The following HPSE2 variants were observed in gnomAD, a reference collection of about 807,000 sequenced individuals.
The protein encoded by HPSE2 is inactive heparanase-2.
Under a neutral mutation model 60.5 loss-of-function variants are expected in HPSE2, and 38 were observed. The ratio of observed to expected loss-of-function variants is 0.63; its 90% CI spans 0.48 to 0.82. The LOEUF (loss-of-function observed/expected upper bound fraction) is 0.82. Among genes scored for constraint, HPSE2 ranks in the 40% least tolerant of loss-of-function variants. The probability of loss-of-function intolerance (pLI) is 0.00; values close to 1 mark genes in which losing one functional copy is unlikely to be tolerated. For missense variants in HPSE2, 713 were observed against 740.4 expected, an observed-to-expected ratio of 0.96 and a Z score of 0.43; for synonymous variants, 295 against 293.2, an observed-to-expected ratio of 1.01 and a Z score of -0.06.
At chr10:98,915,867 C>T (rs1954107142) in intron 3 of HPSE2, among the ~76,000 whole-genome samples, 2 of 152,102 alleles carry the variant, frequency 1.3e-5, no homozygotes, top group Admixed American at 6.6e-5. Flanking sequence ...CTGGGCTTAC[C>T]AATGGGGAGG....
intron 9 of HPSE2, among the ~76,000 whole-genome samples, chr10:98,546,389 C>T (rs2133840056): frequency 6.8e-6 from 1 of 146,038 alleles, no homozygotes; most frequent in South Asian, 2.3e-4. Flanking sequence ...CATCATGCTA[C>T]CTGACTTCAA....
At chr10:98,586,756 T>TC (rs1169372576) in intron 9 of HPSE2, among the ~76,000 whole-genome samples, 15 of 152,298 alleles carry the variant, frequency 9.8e-5, no homozygotes, top group South Asian at 4.1e-4. Flanking sequence ...ACGGTGGGAT[T>TC]CAATGTTATA....
intron 6 of HPSE2, among the ~76,000 whole-genome samples, chr10:98,656,087 T>G (rs1947054663): frequency 6.6e-6 from 1 of 152,002 alleles, no homozygotes; most frequent in Non-Finnish European, 1.5e-5. Context: ...TTTGAGTTTT[T>G]TTTTTTTTTT....
In HPSE2 at chr10:98,938,664, G is replaced by A. The variant is rs1014034139; in HGVS notation, c.611-194608C>T. ...CAACCAAGTTGGAAAACCCTCTGCA[G>A]GATATTGTCCAGGAGAACTTCCCCA... On this transcript the variant is annotated intron_variant, in intron 3 of 11. Transcript: ENST00000370552. Among the ~76,000 whole-genome samples the A allele has an allele frequency of 7.6e-5, 11 of 144,108 alleles. 3 individuals are homozygous for A. The highest frequency in any genetic ancestry group is 3.1e-4 in the African/African-American group (11 of 35,506). The allele number at this position is 144,108 out of a possible 152,430, so 94.5% of individuals were successfully genotyped here. A position where few individuals can be genotyped will look rare whatever the true frequency, so the allele number is the denominator to read the frequency against.
At chr10:99,091,593 C>CA (rs1384607745) in intron 3 of HPSE2, among the ~76,000 whole-genome samples, 3 of 151,896 alleles carry the variant, frequency 2.0e-5, no homozygotes, top group South Asian at 2.1e-4. Flanking sequence ...AAAACAACAA[C>CA]AAAAAAAATG....
chr10:98,724,082 G>C (rs1356507898), intron 4 of HPSE2, among the ~76,000 whole-genome samples: 1 of 151,986 alleles, frequency 6.6e-6, no homozygotes, highest in Non-Finnish European at 1.5e-5. Flanking sequence ...GATCTTTCCT[G>C]CTTTCTCTTG....
At chr10:98,832,472 A>G (rs1951703824) in intron 3 of HPSE2, among the ~76,000 whole-genome samples, 1 of 152,236 alleles carries the variant, frequency 6.6e-6, no homozygotes, top group South Asian at 2.1e-4. Context: ...AAAGCTGACA[A>G]ACAGCTTGAA....
Position 99,064,559 on chromosome 10 carries a change from T to C in HPSE2, c.610+79679A>G, listed in dbSNP as rs1053438725. 3.3e-5 allele frequency among the ~76,000 whole-genome samples: 5 copies of C among 151,710 alleles called. No individual in the cohort carries two copies. The South Asian group carries it at 1.0e-3, about 32-fold the overall frequency. On this transcript the variant is annotated intron_variant, in intron 3 of 11. Transcript: ENST00000370552. ...CCACCATGACCTTACTATAGTTATATGCAATCGCTGTCCCATTCTCAATTA... is the reference window on the plus strand; with the variant it reads ...CCACCATGACCTTACTATAGTTATACGCAATCGCTGTCCCATTCTCAATTA...
At chr10:98,853,246 GC>G (rs1333617693) in intron 3 of HPSE2, among the ~76,000 whole-genome samples, 1 of 152,098 alleles carries the variant, frequency 6.6e-6, no homozygotes, top group Non-Finnish European at 1.5e-5. Flanking sequence ...TTTGTGAGGG[GC>G]TTTAAAAGAA....
chr10:99,237,369 C>T (rs941635415), upstream of HPSE2, among the ~76,000 whole-genome samples: 1 of 152,100 alleles, frequency 6.6e-6, no homozygotes, highest in Non-Finnish European at 1.5e-5. Flanking sequence ...AGTCTTAAAG[C>T]CCAGCAAACG....
Position 98,476,104 on chromosome 10 carries a change from A to G in HPSE2, c.1613+6532T>C, listed in dbSNP as rs1248205309. 2.0e-5 allele frequency among the ~76,000 whole-genome samples: 3 copies of G among 151,860 alleles called. No homozygotes were observed. The East Asian group carries it at 5.8e-4, about 29-fold the overall frequency. ...TCCAACAATGATAGACTGGATTAAG[A>G]AAATGTGGCACATATACACCATGGA... On this transcript the variant is annotated intron_variant, in intron 11 of 11. Transcript: ENST00000370552.
At chr10:99,092,384 T>A (rs1203160915) in intron 3 of HPSE2, among the ~76,000 whole-genome samples, 1 of 152,212 alleles carries the variant, frequency 6.6e-6, no homozygotes, top group Non-Finnish European at 1.5e-5. Flanking sequence ...GTGACTCAAC[T>A]AATCTATTAC....
chr10:98,779,616 C>T (rs1478040726), intron 3 of HPSE2, among the ~76,000 whole-genome samples: 2 of 152,114 alleles, frequency 1.3e-5, no homozygotes, highest in East Asian at 3.9e-4. Flanking sequence ...TATTGTTGGT[C>T]ATAAATTTTT....
At chr10:98,561,150 C>G (rs1057337285) in intron 9 of HPSE2, among the ~76,000 whole-genome samples, 1 of 141,264 alleles carries the variant, frequency 7.1e-6, no homozygotes, top group African/African-American at 2.5e-5. Context: ...GAAAGTGATA[C>G]TGGTTTTTTT....
At chr10:98,511,040 C>T (rs188287671) in intron 9 of HPSE2, among the ~76,000 whole-genome samples, 77 of 152,132 alleles carry the variant, frequency 5.1e-4, no homozygotes, top group Non-Finnish European at 6.9e-4. Flanking sequence ...TCAGTTTCCT[C>T]ATCAGGATTT....
At chr10:98,969,338 T>C (rs1467645180) in intron 3 of HPSE2, among the ~76,000 whole-genome samples, 1 of 152,180 alleles carries the variant, frequency 6.6e-6, no homozygotes, top group Non-Finnish European at 1.5e-5. Flanking sequence ...TCTTTCCTTT[T>C]TCTACCTGCC....
At chr10:98,568,591 C>T (rs962338137) in intron 9 of HPSE2, among the ~76,000 whole-genome samples, 2 of 152,206 alleles carry the variant, frequency 1.3e-5, no homozygotes, top group African/African-American at 4.8e-5. Context: ...AGAAGTGTGG[C>T]CTTGTTATCT....
intron 3 of HPSE2, among the ~76,000 whole-genome samples, chr10:99,022,899 A>C (rs1240418790): frequency 6.6e-6 from 1 of 152,184 alleles, no homozygotes; most frequent in Non-Finnish European, 1.5e-5. Context: ...TGCTGGCTTC[A>C]GGTAAGATGT....
intron 3 of HPSE2, among the ~76,000 whole-genome samples, chr10:99,005,446 T>C (rs567053219): frequency 6.6e-6 from 1 of 152,264 alleles, no homozygotes; most frequent in South Asian, 2.1e-4. Flanking sequence ...ATGCTTTCTA[T>C]TGCATTTTTC....
Sources: gnomAD v4.1 joint callset for allele counts (sites outside exome capture counted in the v4.1 genomes callset) on GRCh38, gnomAD v4.1.1 for gene constraint, MANE v1.5 for transcripts, NCBI Gene and HGNC (gene_info 2026-07-23, HGNC 2026-07-21) for gene names.